Variants in RBPJ observed in about 807,000 individuals in gnomAD.
RBPJ encodes recombination signal binding protein for immunoglobulin kappa J region.
RBPJ carries 9 observed loss-of-function variants against 67.8 expected under a neutral mutation model. The observed-to-expected ratio is 0.13, with a 90% CI of 0.08 to 0.23. RBPJ has a LOEUF of 0.23. Among genes scored for constraint, RBPJ ranks in the 10% least tolerant of loss-of-function variants. The probability of loss-of-function intolerance (pLI) is 1.00; values close to 1 mark genes in which losing one functional copy is unlikely to be tolerated. For missense variants in RBPJ, 305 were observed against 595.6 expected (o/e 0.51, Z 5.08); for synonymous variants, 198 against 203.3 (o/e 0.97, Z 0.22).
At chr4:26,182,663 T>C (rs1717052170) in intron 1 of RBPJ, among the ~76,000 whole-genome samples, 2 of 151,458 alleles carry the variant, frequency 1.3e-5, no homozygotes, top group Non-Finnish European at 3.0e-5. Flanking sequence ...CTGGCTAATT[T>C]TTTAATTTTT....
intron 1 of RBPJ, among the ~76,000 whole-genome samples, chr4:26,214,483 AGGAGGGAAGGAGGGAG>A (rs1186814661): frequency 1.0e-5 from 1 of 97,882 alleles, no homozygotes; most frequent in Non-Finnish European, 2.0e-5. Flanking sequence ...AAGAGAAACA[AGGAGGGAAGGAGGGAG>A]GGAGGGAAGG....
intron 1 of RBPJ, among the ~76,000 whole-genome samples, chr4:26,277,268 T>C (rs1721115129): frequency 8.2e-6 from 1 of 121,592 alleles, no homozygotes; most frequent in Non-Finnish European, 1.5e-5. Context: ...CAAGACCCTG[T>C]TTGTTCAAAA....
chr4:26,384,108 A>AC (rs1342284477), intron 1 of RBPJ: 1 of 152,124 alleles, frequency 6.6e-6, no homozygotes, highest in Non-Finnish European at 1.5e-5. Context: ...TTGGGCTCCC[A>AC]AAGTGCTAGG....
chr4:26,315,598 T>C (rs1418402401), upstream of RBPJ, among the ~76,000 whole-genome samples: 1 of 152,178 alleles, frequency 6.6e-6, no homozygotes, highest in Non-Finnish European at 1.5e-5. Flanking sequence ...ACGTATTCTC[T>C]TGATAAACAT....
At chr4:26,230,173 T>C (rs562328026) in intron 1 of RBPJ, among the ~76,000 whole-genome samples, 2 of 149,702 alleles carry the variant, frequency 1.3e-5, no homozygotes, top group Non-Finnish European at 1.5e-5. Context: ...CTGGGCAATA[T>C]AGTGAGACCC....
chr4:26,301,618 A>AT (rs1367754823), intron 1 of RBPJ, among the ~76,000 whole-genome samples: 3 of 151,042 alleles, frequency 2.0e-5, no homozygotes, highest in Non-Finnish European at 4.4e-5. Context: ...AAAAATTTAA[A>AT]TTTTTTTTAC....
At chr4:26,420,795 A>T in intron 5 of RBPJ, 70 bp downstream of exon 5, 1 of 1,347,128 alleles carries the variant, frequency 7.4e-7, no homozygotes. Flanking sequence ...TTTTTAAATT[A>T]AAAATTGCCT....
At chr4:26,175,930 T>C (rs1716780029) in intron 1 of RBPJ, among the ~76,000 whole-genome samples, 3 of 152,170 alleles carry the variant, frequency 2.0e-5, no homozygotes, top group Admixed American at 2.0e-4. Context: ...ACGCACCTTC[T>C]GGGATCCACC....
chr4:26,353,096 A>C (rs1462897560), intron 1 of RBPJ, among the ~76,000 whole-genome samples: 1 of 152,236 alleles, frequency 6.6e-6, no homozygotes, highest in Non-Finnish European at 1.5e-5. Context: ...TGCAACAAAG[A>C]AAGGCACTTG....
intron 1 of RBPJ, among the ~76,000 whole-genome samples, chr4:26,234,156 C>T (rs549610002): frequency 9.3e-4 from 141 of 152,338 alleles, no homozygotes; most frequent in African/African-American, 3.3e-3. Flanking sequence ...TTGGATAGTA[C>T]AGCTAGATGT....
At chr4:26,298,324 T>A (rs964452349) in intron 1 of RBPJ, among the ~76,000 whole-genome samples, 3 of 152,228 alleles carry the variant, frequency 2.0e-5, no homozygotes, top group Admixed American at 6.5e-5. Flanking sequence ...ATTTTAAAAT[T>A]TCATTCAAAA....
At chr4:26,369,886 C>T (rs1728987387) in intron 1 of RBPJ, among the ~76,000 whole-genome samples, 1 of 152,162 alleles carries the variant, frequency 6.6e-6, no homozygotes, top group Non-Finnish European at 1.5e-5. Context: ...TCTCTCTCTT[C>T]TCCTCCCATT....
intron 1 of RBPJ, among the ~76,000 whole-genome samples, chr4:26,169,899 T>G (rs1716500827): frequency 6.6e-6 from 1 of 152,318 alleles, no homozygotes; most frequent in South Asian, 2.1e-4. Context: ...TATAATCTCC[T>G]GGTGTGCCAT....
intron 1 of RBPJ, among the ~76,000 whole-genome samples, chr4:26,223,765 C>T (rs1411753495): frequency 6.6e-6 from 1 of 152,172 alleles, no homozygotes; most frequent in African/African-American, 2.4e-5. Context: ...GAGTGGCAGT[C>T]AGAGGATAGA....
Position 26,374,748 on chromosome 4 carries a change from G to A in RBPJ, c.21-11605G>A, listed in dbSNP as rs563999861. 3.9e-5 allele frequency among the ~76,000 whole-genome samples: 6 copies of A among 152,270 alleles called. No homozygotes were observed. In the East Asian group the frequency reaches 5.8e-4, roughly 15 times the overall value. On this transcript the variant is annotated intron_variant, in intron 1 of 10. Transcript: ENST00000355476. Reference sequence around the variant, plus strand: ...CTCCCAAAGTGCTGGGATTACAGGCGTGAGCCAGTGTGCCCGGCCCCTGGC... The same window carrying A: ...CTCCCAAAGTGCTGGGATTACAGGCATGAGCCAGTGTGCCCGGCCCCTGGC...
At chr4:26,343,319 A>G (rs1725745130) in intron 1 of RBPJ, 1 of 152,204 alleles carries the variant, frequency 6.6e-6, no homozygotes, top group African/African-American at 2.4e-5. Flanking sequence ...ATGTGGGCAG[A>G]TAAATTGTAA....
At chr4:26,329,451 G>C (rs1300815318) in intron 1 of RBPJ, among the ~76,000 whole-genome samples, 2 of 152,170 alleles carry the variant, frequency 1.3e-5, no homozygotes, top group Non-Finnish European at 2.9e-5. Context: ...GGGTGATGTA[G>C]GGAACTTGGG....
intron 7 of RBPJ, among the ~76,000 whole-genome samples, chr4:26,427,743 A>G (rs1478388097): frequency 1.3e-5 from 2 of 152,208 alleles, no homozygotes; most frequent in African/African-American, 2.4e-5. Flanking sequence ...CGTTTGCAGA[A>G]AAACAGGTAG....
chr4:26,348,553 C>G (rs918532971), intron 1 of RBPJ, among the ~76,000 whole-genome samples: 1 of 151,984 alleles, frequency 6.6e-6, no homozygotes, highest in Non-Finnish European at 1.5e-5. Flanking sequence ...AGCATGTACC[C>G]CAATATATGT....
Sources: allele counts gnomAD v4.1 joint callset (sites outside exome capture counted in the v4.1 genomes callset), GRCh38; gene constraint gnomAD v4.1.1; transcripts MANE v1.5; gene names NCBI Gene and HGNC (gene_info 2026-07-23, HGNC 2026-07-21).